Variants in SAMSN1 observed in about 807,000 individuals in gnomAD.
The protein encoded by SAMSN1 is SAM domain, SH3 domain and nuclear localization signals 1, also known as SAM domain-containing protein SAMSN-1.
A neutral mutation model predicts 42.0 loss-of-function variants in SAMSN1; 31 were observed. The ratio of observed to expected loss-of-function variants is 0.74; its 90% CI spans 0.55 to 1.00. The LOEUF (loss-of-function observed/expected upper bound fraction) is 1.00. Among genes scored for constraint, SAMSN1 ranks in the 50% least tolerant of loss-of-function variants. The probability of loss-of-function intolerance (pLI) is 0.00; values close to 1 mark genes in which losing one functional copy is unlikely to be tolerated. For missense variants in SAMSN1, 464 were observed against 439.4 expected, an observed-to-expected ratio of 1.06 and a Z score of -0.50; for synonymous variants, 178 against 151.9, an observed-to-expected ratio of 1.17 and a Z score of -1.26.
At chr21:14,631,269 C>T (rs572388795) in intron 2 of SAMSN1, among the ~76,000 whole-genome samples, 1 of 152,298 alleles carries the variant, frequency 6.6e-6, no homozygotes, top group East Asian at 1.9e-4. Flanking sequence ...CCCAGACTTC[C>T]TGCTAATAGT....
At chr21:14,618,650 CTGTGTATGTG>C (rs1411337637) in intron 2 of SAMSN1, among the ~76,000 whole-genome samples, 3 of 107,750 alleles carry the variant, frequency 2.8e-5, no homozygotes, top group Non-Finnish European at 3.8e-5. Flanking sequence ...AGAACCACAG[CTGTGTATGTG>C]TGTGTGTGTG....
chr21:14,576,243 CAGTT>C (rs754711998), intron 2 of SAMSN1, among the ~76,000 whole-genome samples: 1 of 152,022 alleles, frequency 6.6e-6, no homozygotes, highest in Non-Finnish European at 1.5e-5. Context: ...TAGCATTTAT[CAGTT>C]AGAATAGTCA....
chr21:14,560,972 A>ATTGTTAGGC (rs1980929735), intron 2 of SAMSN1, among the ~76,000 whole-genome samples: 1 of 152,130 alleles, frequency 6.6e-6, no homozygotes, highest in Admixed American at 6.6e-5. Flanking sequence ...GAAAGGCCAC[A>ATTGTTAGGC]TTGTTAGGCT....
chr21:14,512,603 A>G (rs1320770790), intron 3 of SAMSN1, 30 bp from the exon 4 acceptor site: 4 of 1,610,712 alleles, frequency 2.5e-6, no homozygotes, highest in African/African-American at 1.3e-5. Context: ...GGTTAGGTAC[A>G]GAGAGAAGAT....
rs544902571 is a variant in SAMSN1 at position 14,640,216 on chromosome 21, T to C, written c.156+2786A>G. ...CATAAGGGAAGCCAAAAGCCAAGGA[T>C]TCTTCTCTCATTTTGATTTTCCTTT... is the stretch of plus-strand genomic sequence containing the variant. On this transcript the variant is annotated intron_variant, in intron 2 of 15. Transcript: ENST00000647101. 2.6e-5 allele frequency among the ~76,000 whole-genome samples: 4 copies of C among 152,282 alleles called. No individual in the cohort carries two copies. The South Asian group carries it at 8.3e-4, about 32-fold the overall frequency.
chr21:14,578,942 T>TG (rs1981604427), intron 2 of SAMSN1, among the ~76,000 whole-genome samples: 1 of 152,122 alleles, frequency 6.6e-6, no homozygotes, highest in South Asian at 2.1e-4. Context: ...GAAGCACATC[T>TG]TTTCAAACCC....
chr21:14,490,814 C>T (rs564917801), intron 7 of SAMSN1, among the ~76,000 whole-genome samples: 42 of 151,782 alleles, frequency 2.8e-4, no homozygotes, highest in African/African-American at 6.6e-4. Context: ...TAGCTTCTAA[C>T]GAGATGTGTA....
intron 5 of SAMSN1, among the ~76,000 whole-genome samples, chr21:14,603,540 C>A (rs1024461562): frequency 6.6e-6 from 1 of 152,138 alleles, no homozygotes; most frequent in Non-Finnish European, 1.5e-5. Context: ...ATTCCATGAA[C>A]CCTGGCCTAT....
At chr21:14,643,515 C>T (rs1045869638) in intron 1 of SAMSN1, among the ~76,000 whole-genome samples, 1 of 152,186 alleles carries the variant, frequency 6.6e-6, no homozygotes, top group African/African-American at 2.4e-5. Flanking sequence ...ATGTATGTCT[C>T]TAATTGGTAC....
At chr21:14,599,055 C>T (rs76105300) in intron 6 of SAMSN1, among the ~76,000 whole-genome samples, 4,216 of 152,238 alleles carry the variant, frequency 0.028, 124 homozygotes, top group South Asian at 0.081. Flanking sequence ...TTTATAAAGT[C>T]AAAATCATGA....
intron 7 of SAMSN1, among the ~76,000 whole-genome samples, chr21:14,490,650 T>A (rs1473548126): frequency 6.6e-6 from 1 of 152,214 alleles, no homozygotes; most frequent in Non-Finnish European, 1.5e-5. Context: ...TCATTTCACT[T>A]GAATACTAAC....
intron 2 of SAMSN1, among the ~76,000 whole-genome samples, chr21:14,638,692 C>T (rs1409580111): frequency 6.6e-6 from 1 of 152,186 alleles, no homozygotes; most frequent in African/African-American, 2.4e-5. Context: ...CTAAATCCTG[C>T]CTGCTTCTAG....
intron 2 of SAMSN1, among the ~76,000 whole-genome samples, chr21:14,566,543 A>C (rs115205795): frequency 1.3e-5 from 2 of 150,840 alleles, no homozygotes; most frequent in Non-Finnish European, 3.0e-5. Flanking sequence ...TATATATATA[A>C]AATTTTTTTT....
chr21:14,515,265 A>T (rs762895287), intron 3 of SAMSN1, among the ~76,000 whole-genome samples: 2 of 152,218 alleles, frequency 1.3e-5, no homozygotes, highest in Non-Finnish European at 2.9e-5. Context: ...GAGAATGGAC[A>T]TAAGACATAA....
chr21:14,597,091 T>G (rs1362101725), intron 6 of SAMSN1, among the ~76,000 whole-genome samples: 1 of 152,152 alleles, frequency 6.6e-6, no homozygotes, highest in Non-Finnish European at 1.5e-5. Context: ...GACTATCATT[T>G]GGTTGACACT....
chr21:14,612,674 A>C (rs149074956), intron 4 of SAMSN1: 5 of 636,442 alleles, frequency 7.9e-6, no homozygotes, highest in African/African-American at 3.6e-5. Context: ...AAAATATTGC[A>C]AATAAATCAA....
Position 14,510,403 on chromosome 21 carries a change from G to A in SAMSN1, c.468C>T (p.Asp156=), listed in dbSNP as rs372194779. The change falls in exon 5 of 8, where the codon GAC becomes GAT. Residue 156 remains aspartate (D), a synonymous_variant. Coordinates refer to ENST00000400566, the MANE Select transcript of SAMSN1 (RefSeq NM_022136.5). ...TSNRDSFRLD[D]DGPYSGPFCG... ...AGAATGGTCCTGAATAGGGGCCATC[G>A]TCATCCAGTCGAAAGCTGTCCCGGT... 5 of 1,614,014 alleles carry A rather than the reference G, an allele frequency of 3.1e-6. No individual in the cohort carries two copies. The African/African-American group carries it at 4.0e-5, about 13-fold the overall frequency.
intron 2 of SAMSN1, chr21:14,642,968 A>G: frequency 1.4e-6 from 1 of 713,928 alleles, no homozygotes. Flanking sequence ...ATAATAGAGA[A>G]AAAAAAATCC....
At chr21:14,541,641 C>T (rs778060463) in intron 1 of SAMSN1, among the ~76,000 whole-genome samples, 7 of 152,068 alleles carry the variant, frequency 4.6e-5, no homozygotes, top group Non-Finnish European at 1.0e-4. Flanking sequence ...ATTAGACACC[C>T]CTAGAGTAGA....
Sources: gnomAD v4.1 joint callset for allele counts (sites outside exome capture counted in the v4.1 genomes callset) on GRCh38, gnomAD v4.1.1 for gene constraint, MANE v1.5 for transcripts, NCBI Gene and HGNC (gene_info 2026-07-23, HGNC 2026-07-21) for gene names.